Variants in CPNE4 observed in about 807,000 individuals in gnomAD.
CPNE4 encodes the protein copine-4.
Under a neutral mutation model 67.9 loss-of-function variants are expected in CPNE4, and 25 were observed. The ratio of observed to expected loss-of-function variants is 0.37; its 90% confidence interval spans 0.27 to 0.51. CPNE4 has a LOEUF of 0.51. Among genes scored for constraint, CPNE4 ranks in the 20% least tolerant of loss-of-function variants. The pLI, the probability that CPNE4 is intolerant of heterozygous loss-of-function variation, is 0.93. For synonymous variants in CPNE4, 242 were observed against 244.9 expected, an observed-to-expected ratio of 0.99 and a Z score of 0.11; for missense variants, 464 against 690.8, an observed-to-expected ratio of 0.67 and a Z score of 3.68.
chr3:131,869,145 A>G (rs115613897), intron 2 of CPNE4, among the ~76,000 whole-genome samples: 3,764 of 152,172 alleles, frequency 0.025, 164 homozygotes, highest in African/African-American at 0.085. Context: ...CCTCCATATC[A>G]GCTCTAGTTC....
intron 2 of CPNE4, among the ~76,000 whole-genome samples, chr3:131,845,443 G>C (rs1391367645): frequency 6.6e-6 from 1 of 152,170 alleles, no homozygotes; most frequent in African/African-American, 2.4e-5. Flanking sequence ...TCTTTACTAT[G>C]CAGTTCTGCC....
chr3:131,616,812 A>G (rs532799872), intron 7 of CPNE4, among the ~76,000 whole-genome samples: 2 of 152,356 alleles, frequency 1.3e-5, no homozygotes, highest in South Asian at 4.1e-4. Flanking sequence ...AAAGGTATAG[A>G]GTGAGAGTCA....
intron 7 of CPNE4, among the ~76,000 whole-genome samples, chr3:131,614,388 A>G (rs1239672496): frequency 1.3e-5 from 2 of 152,244 alleles, no homozygotes; most frequent in African/African-American, 2.4e-5. Context: ...ATAACTTACT[A>G]GGAACTGCAG....
intron 2 of CPNE4, among the ~76,000 whole-genome samples, chr3:131,865,458 A>G (rs1019418174): frequency 2.0e-5 from 3 of 151,784 alleles, no homozygotes; most frequent in Non-Finnish European, 2.9e-5. Flanking sequence ...CCCCTCCCAA[A>G]TCTCGCATTC....
intron 1 of CPNE4, among the ~76,000 whole-genome samples, chr3:132,027,171 C>A (rs2074131189): frequency 6.6e-6 from 1 of 152,140 alleles, no homozygotes; most frequent in Non-Finnish European, 1.5e-5. Flanking sequence ...AGAGTTCTGA[C>A]CCCCTGAAGC....
chr3:131,599,299 GC>G lies in CPNE4; in HGVS notation c.682-11718del, dbSNP rs577819918. ...GTGACTTGAATATGGGTAGATTTTG[GC>G]CAGTTGTGTACATGGGAAGAGGGGT... On this transcript the variant is annotated intron_variant, in intron 7 of 15. Coordinates refer to ENST00000429747, the MANE Select transcript of CPNE4 (RefSeq NM_130808.3). 1.7e-4 allele frequency among the ~76,000 whole-genome samples: 26 copies of G among 152,248 alleles called. No homozygotes were observed. The South Asian group carries it at 5.4e-3, about 32-fold the overall frequency.
At chr3:131,772,247 G>A (rs2083185717) in intron 2 of CPNE4, among the ~76,000 whole-genome samples, 1 of 152,064 alleles carries the variant, frequency 6.6e-6, no homozygotes, top group African/African-American at 2.4e-5. Flanking sequence ...ACCATGCCAA[G>A]AAAGTGCCTA....
At chr3:131,981,713 A>G (rs2072913758) in intron 1 of CPNE4, among the ~76,000 whole-genome samples, 1 of 152,216 alleles carries the variant, frequency 6.6e-6, no homozygotes, top group Non-Finnish European at 1.5e-5. Flanking sequence ...CTGTGGTGCC[A>G]GGCAGGAGTG....
At chr3:131,760,107 T>C (rs2082851467) in intron 2 of CPNE4, among the ~76,000 whole-genome samples, 1 of 152,152 alleles carries the variant, frequency 6.6e-6, no homozygotes, top group Admixed American at 6.5e-5. Context: ...ATAGTGTGGA[T>C]TTTTTAAAAA....
At chr3:131,681,202 T>G (rs1286857598) in intron 6 of CPNE4, among the ~76,000 whole-genome samples, 1 of 152,212 alleles carries the variant, frequency 6.6e-6, no homozygotes, top group South Asian at 2.1e-4. Flanking sequence ...CATTATAATA[T>G]TCTGTGTTTT....
chr3:131,755,262 A>G (rs2082725354), intron 2 of CPNE4, among the ~76,000 whole-genome samples: 2 of 151,774 alleles, frequency 1.3e-5, no homozygotes, highest in Admixed American at 6.6e-5. Flanking sequence ...AGCTGTGAGT[A>G]CATAATCTGC....
chr3:132,003,352 G>A (rs1919998), intron 1 of CPNE4, among the ~76,000 whole-genome samples: 88,991 of 151,830 alleles, frequency 0.59, 26,907 homozygotes, highest in South Asian at 0.71. Flanking sequence ...TTTTCAGAGA[G>A]GCTTTAAGCT....
intron 1 of CPNE4, among the ~76,000 whole-genome samples, chr3:132,028,080 A>G (rs1162951296): frequency 6.6e-6 from 1 of 152,200 alleles, no homozygotes; most frequent in Admixed American, 6.5e-5. Flanking sequence ...AAATTACTAC[A>G]TACAGGGCAT....
chr3:131,873,850 A>G (rs1399889503), intron 2 of CPNE4, among the ~76,000 whole-genome samples: 1 of 151,986 alleles, frequency 6.6e-6, no homozygotes, highest in Non-Finnish European at 1.5e-5. Context: ...CTCTTTCACT[A>G]CCTGTCCTCT....
chr3:132,032,767 G>C (rs2074263787), intron 1 of CPNE4, among the ~76,000 whole-genome samples: 1 of 152,180 alleles, frequency 6.6e-6, no homozygotes, highest in Non-Finnish European at 1.5e-5. Context: ...AGCTCGGTAA[G>C]GGAAATGAAA....
intron 7 of CPNE4, among the ~76,000 whole-genome samples, chr3:131,594,347 T>C (rs1376507270): frequency 6.6e-6 from 1 of 152,174 alleles, no homozygotes; most frequent in Non-Finnish European, 1.5e-5. Flanking sequence ...GGCATAAAGA[T>C]AGGCAAATAG....
intron 7 of CPNE4, among the ~76,000 whole-genome samples, chr3:131,615,942 C>T (rs1940132098): frequency 7.5e-6 from 1 of 133,854 alleles, no homozygotes; most frequent in Non-Finnish European, 1.6e-5. Context: ...CACACACACA[C>T]ACACACACAA....
chr3:131,895,401 T>C (rs754071720), intron 2 of CPNE4, among the ~76,000 whole-genome samples: 8 of 152,050 alleles, frequency 5.3e-5, no homozygotes, highest in Admixed American at 1.3e-4. Context: ...ATGCATGAGA[T>C]GAAGCATATA....
At chr3:131,927,319 CTCTAA>C (rs56127322) in intron 1 of CPNE4, among the ~76,000 whole-genome samples, 29,618 of 151,972 alleles carry the variant, frequency 0.19, 3,462 homozygotes, top group Non-Finnish European at 0.25. Flanking sequence ...TAACATCCCT[CTCTAA>C]TCTTTCAGTG....
Sources: gnomAD v4.1 joint callset for allele counts (sites outside exome capture counted in the v4.1 genomes callset) on GRCh38, gnomAD v4.1.1 for gene constraint, MANE v1.5 for transcripts, NCBI Gene and HGNC (gene_info 2026-07-23, HGNC 2026-07-21) for gene names.